XPNPEP3: variants seen among roughly 807,000 people sequenced by gnomAD.
XPNPEP3 encodes the protein X-prolyl aminopeptidase 3, also known as xaa-Pro aminopeptidase 3.
A neutral mutation model predicts 60.0 loss-of-function variants in XPNPEP3; 41 were observed. The ratio of observed to expected loss-of-function variants is 0.68; its 90% CI spans 0.53 to 0.89. The LOEUF is 0.89. Ranked by LOEUF, XPNPEP3 falls within the 40% of genes least tolerant of loss-of-function variation. The pLI is 0.00. For synonymous variants in XPNPEP3, 212 were observed against 223.2 expected, an observed-to-expected ratio of 0.95 and a Z score of 0.45; for missense variants, 598 against 638.9, an observed-to-expected ratio of 0.94 and a Z score of 0.69.
intron 8 of XPNPEP3, 22 bp downstream of exon 8, chr22:40,922,535 C>T (rs199828579): frequency 1.2e-6 from 2 of 1,612,912 alleles, no homozygotes; most frequent in Admixed American, 3.3e-5. Context: ...CTCTTGACCC[C>T]AGTTCTCAAG....
intron 2 of XPNPEP3, among the ~76,000 whole-genome samples, chr22:40,876,784 A>G (rs965346113): frequency 6.6e-6 from 1 of 152,244 alleles, no homozygotes; most frequent in Admixed American, 6.5e-5. Flanking sequence ...AATATTTTTT[A>G]AAGTATTTTC....
chr22:40,871,345 C>T (rs531625984), intron 2 of XPNPEP3, among the ~76,000 whole-genome samples: 2 of 152,074 alleles, frequency 1.3e-5, no homozygotes, highest in South Asian at 2.1e-4. Context: ...AGAATGAGAC[C>T]GTGTCTCTCT....
intron 2 of XPNPEP3, among the ~76,000 whole-genome samples, chr22:40,880,029 A>C (rs551612876): frequency 2.3e-5 from 3 of 129,058 alleles, no homozygotes; most frequent in Admixed American, 7.6e-5. Context: ...TCTGTCTCCC[A>C]AAAAAAAAAA....
rs574616551 is a variant in XPNPEP3 at position 40,899,498 on chromosome 22, G to C, written c.793-8089G>C. ...ATTTTTTTAAAAATGAGTCAGTTCT[G>C]CTGGGACAGATGGATATCCATATGC... On this transcript the variant is annotated intron_variant, in intron 4 of 9. Transcript: ENST00000357137. Among the ~76,000 whole-genome samples, 18 of 152,082 alleles carry C rather than the reference G, an allele frequency of 1.2e-4. 1 individual carries two copies. The South Asian group carries it at 3.5e-3, about 30-fold the overall frequency.
At chr22:40,915,208 G>A (rs904914583) in intron 7 of XPNPEP3, among the ~76,000 whole-genome samples, 2 of 151,982 alleles carry the variant, frequency 1.3e-5, no homozygotes, top group Non-Finnish European at 1.5e-5. Flanking sequence ...CCACCACCAC[G>A]CCTGGCTAAT....
chr22:40,877,811 A>G (rs2058033193), intron 2 of XPNPEP3, among the ~76,000 whole-genome samples: 1 of 152,216 alleles, frequency 6.6e-6, no homozygotes. Flanking sequence ...TTCTGTGATC[A>G]AAGGCCATAA....
In XPNPEP3 at chr22:40,926,526, A is replaced by T. The variant is rs1177972688; in HGVS notation, c.*91A>T. On this transcript the variant is annotated 3_prime_UTR_variant, in exon 10 of 10. Coordinates refer to ENST00000357137, the MANE Select transcript of XPNPEP3 (RefSeq NM_022098.4). Reference sequence around the variant, plus strand: ...GCTTTCTGAGTGTCTCTGTGTGTGCATTAATATATGCATTCCATTTGGGAG... The same window carrying T: ...GCTTTCTGAGTGTCTCTGTGTGTGCTTTAATATATGCATTCCATTTGGGAG... 7.0e-7 allele frequency: 1 copy of T among 1,427,042 alleles called. No individual in the cohort carries two copies. 88.4% of individuals were successfully genotyped at this position (1,427,042 alleles called of 1,614,324 possible). A position where few individuals can be genotyped will look rare whatever the true frequency, so the allele number is the denominator to read the frequency against.
intron 2 of XPNPEP3, among the ~76,000 whole-genome samples, chr22:40,880,565 A>T (rs2058043389): frequency 6.6e-6 from 1 of 151,400 alleles, no homozygotes; most frequent in Non-Finnish European, 1.5e-5. Flanking sequence ...GGAGCCAAAC[A>T]ATGAAGGAAA....
intron 8 of XPNPEP3, among the ~76,000 whole-genome samples, chr22:40,922,783 TACAC>T (rs1019654604): frequency 1.3e-5 from 2 of 151,914 alleles, no homozygotes; most frequent in African/African-American, 2.4e-5. Context: ...TATATATACA[TACAC>T]ACACAGGGTT....
intron 2 of XPNPEP3, among the ~76,000 whole-genome samples, chr22:40,875,914 G>A (rs903718356): frequency 7.9e-5 from 12 of 152,018 alleles, no homozygotes; most frequent in Admixed American, 4.6e-4. Context: ...CAGCTACTCA[G>A]GAGACTGAGG....
chr22:40,909,293 C>T (rs912714857), intron 6 of XPNPEP3, 58 bp downstream of exon 6: 1 of 1,324,416 alleles, frequency 7.6e-7, no homozygotes, highest in East Asian at 2.3e-5. Context: ...AGTAGAAAAC[C>T]TGCTAACCTC....
chr22:40,893,752 G>T (rs1324276105), intron 4 of XPNPEP3, among the ~76,000 whole-genome samples: 1 of 151,950 alleles, frequency 6.6e-6, no homozygotes, highest in Non-Finnish European at 1.5e-5. Flanking sequence ...AGATAGCTGG[G>T]ATTACAGGCA....
At chr22:40,903,113 A>G (rs1419720869) in intron 4 of XPNPEP3, among the ~76,000 whole-genome samples, 1 of 152,214 alleles carries the variant, frequency 6.6e-6, no homozygotes, top group Non-Finnish European at 1.5e-5. Flanking sequence ...AACTGCTCTG[A>G]AACTCCCTGC....
chr22:40,857,652 C>G (rs574188960), intron 1 of XPNPEP3, among the ~76,000 whole-genome samples: 1 of 152,364 alleles, frequency 6.6e-6, no homozygotes, highest in Admixed American at 6.5e-5. Context: ...TCAGCAGCTC[C>G]TCTTAGGAGA....
chr22:40,893,879 G>A (rs769530958), intron 4 of XPNPEP3, among the ~76,000 whole-genome samples: 5 of 152,210 alleles, frequency 3.3e-5, no homozygotes, highest in Non-Finnish European at 5.9e-5. Flanking sequence ...GCCTCCCAAA[G>A]TTCTGGGATT....
chr22:40,886,189 A>G, intron 3 of XPNPEP3, 124 bp from the exon 4 acceptor site: 1 of 946,022 alleles, frequency 1.1e-6, no homozygotes, highest in South Asian at 1.3e-5. Flanking sequence ...TTAAGTCTCA[A>G]CACTTTAGAG....
chr22:40,919,802 T>C (rs1338033802), intron 7 of XPNPEP3, among the ~76,000 whole-genome samples: 1 of 152,176 alleles, frequency 6.6e-6, no homozygotes, highest in African/African-American at 2.4e-5. Context: ...CAAATTGTGG[T>C]CTGTTCATAC....
At chr22:40,876,905 G>T (rs905074714) in intron 2 of XPNPEP3, among the ~76,000 whole-genome samples, 17 of 152,094 alleles carry the variant, frequency 1.1e-4, no homozygotes, top group Non-Finnish European at 2.4e-4. Context: ...TATATGCAGC[G>T]AATTTCACAG....
chr22:40,892,092 C>T (rs187591888), intron 4 of XPNPEP3, among the ~76,000 whole-genome samples: 3 of 152,310 alleles, frequency 2.0e-5, no homozygotes, highest in Non-Finnish European at 4.4e-5. Context: ...TTTGATAGCA[C>T]TGTCTATCAT....
Sources: allele counts gnomAD v4.1 joint callset (sites outside exome capture counted in the v4.1 genomes callset), GRCh38; gene constraint gnomAD v4.1.1; transcripts MANE v1.5; gene names NCBI Gene and HGNC (gene_info 2026-07-23, HGNC 2026-07-21).